The following VPS13B variants were observed in gnomAD, a reference collection of about 807,000 sequenced individuals.
The protein encoded by VPS13B is intermembrane lipid transfer protein VPS13B.
In VPS13B, 285 loss-of-function variants were observed where a neutral mutation model predicts 426.4. The ratio of observed to expected loss-of-function variants is 0.67; its 90% CI spans 0.61 to 0.74. The LOEUF is 0.74. Among genes scored for constraint, VPS13B ranks in the 30% least tolerant of loss-of-function variants. The probability of loss-of-function intolerance (pLI) is 0.00; values close to 1 mark genes in which losing one functional copy is unlikely to be tolerated. For missense variants in VPS13B, 4,537 were observed against 4,782.6 expected, an observed-to-expected ratio of 0.95 and a Z score of 1.51; for synonymous variants, 1,676 against 1,676.4, an observed-to-expected ratio of 1.00 and a Z score of 0.01.
chr8:99,366,696 G>A (rs1040669714), intron 19 of VPS13B, among the ~76,000 whole-genome samples: 2 of 149,998 alleles, frequency 1.3e-5, no homozygotes, highest in African/African-American at 2.4e-5. Flanking sequence ...TTTTTTTTAG[G>A]GAAGTTAATT....
chr8:99,693,728 T>C (rs1482211462), intron 35 of VPS13B, among the ~76,000 whole-genome samples: 5 of 139,888 alleles, frequency 3.6e-5, no homozygotes, highest in Non-Finnish European at 7.7e-5. Flanking sequence ...ATAAAAGGTA[T>C]TCAATTAGGA....
Position 99,520,769 on chromosome 8 carries a change from A to G in VPS13B, c.4634-130A>G. The stretch of plus-strand genomic sequence containing the variant: ...TTTATTTTAAACATGATTTTTTTTC[A>G]TTTTACTTTTTCTTATTTATTGGTC... On this transcript the variant is annotated intron_variant, in intron 29 of 61. Coordinates refer to ENST00000357162, the MANE Select transcript of VPS13B (RefSeq NM_152564.5). 6 of 671,274 alleles carry G rather than the reference A, an allele frequency of 8.9e-6. No individual in the cohort carries two copies. The South Asian group carries it at 1.1e-4, about 12-fold the overall frequency. The allele number at this position is 671,274 out of a possible 1,614,324, so 41.6% of individuals were successfully genotyped here.
chr8:99,109,474 C>G (rs1182662517), intron 5 of VPS13B, among the ~76,000 whole-genome samples: 6 of 151,692 alleles, frequency 4.0e-5, no homozygotes, highest in Admixed American at 3.9e-4. Flanking sequence ...AGCTCCACCC[C>G]TGGGTTCAAG....
chr8:99,156,626 A>T lies in VPS13B; in HGVS notation c.2091A>T (p.Lys697Asn), dbSNP rs376694328. The change falls in exon 15 of 62, where the codon AAA becomes AAT. Residue 697 changes from lysine to asparagine, a missense_variant. Physicochemically the swap from Lys to Asn is moderately conservative, Grantham distance 94. Transcript: ENST00000357162. The part of the protein sequence containing the change: ...PLPSIRILVD[K>N]INLEHSVPMY... ...CATCCATTCGAATATTGGTGGATAA[A>T]ATTAATCTGGAACATTCAGTGCCAA... The T allele has an allele frequency of 3.1e-6, 5 of 1,614,114 alleles. No homozygotes were observed. The highest frequency in any genetic ancestry group is 4.2e-6 in the Non-Finnish European group (5 of 1,179,934).
At chr8:99,758,003 A>C (rs1416361323) in intron 39 of VPS13B, among the ~76,000 whole-genome samples, 2 of 152,182 alleles carry the variant, frequency 1.3e-5, no homozygotes, top group Admixed American at 1.3e-4. Context: ...GGCTTTCTAA[A>C]CTATTTTTTT....
chr8:99,832,305 A>C, intron 51 of VPS13B, 64 bp from the exon 52 acceptor site: 11 of 1,444,030 alleles, frequency 7.6e-6, no homozygotes, highest in Non-Finnish European at 1.0e-5. Flanking sequence ...AAAAAGTTTA[A>C]TTCTGCTGTA....
chr8:99,030,666 T>C (rs1288190674), intron 2 of VPS13B, among the ~76,000 whole-genome samples: 1 of 152,160 alleles, frequency 6.6e-6, no homozygotes, highest in East Asian at 1.9e-4. Flanking sequence ...AAATGCACAA[T>C]ATATTATGCG....
At chr8:99,823,421 A>C (rs1814491813) in intron 50 of VPS13B, among the ~76,000 whole-genome samples, 1 of 152,156 alleles carries the variant, frequency 6.6e-6, no homozygotes. Flanking sequence ...CATAGGCATT[A>C]GTGAGGCAGC....
chr8:99,857,406 C>T (rs1249988372), intron 56 of VPS13B, among the ~76,000 whole-genome samples: 2 of 152,192 alleles, frequency 1.3e-5, no homozygotes, highest in Non-Finnish European at 2.9e-5. Context: ...CAACCTTCTG[C>T]CGTTAGGTAC....
chr8:99,235,388 AATG>A (rs1816582254), intron 17 of VPS13B, among the ~76,000 whole-genome samples: 3 of 152,202 alleles, frequency 2.0e-5, no homozygotes. Context: ...GTCATTCTGC[AATG>A]ATATTTGGCT....
intron 27 of VPS13B, 75 bp from the exon 28 acceptor site, chr8:99,507,062 A>G (rs1227618704): frequency 3.6e-5 from 54 of 1,518,728 alleles, no homozygotes; most frequent in Non-Finnish European, 5.5e-6. Context: ...GACTTATTTG[A>G]AATAGTTATG....
At chr8:99,596,771 A>G (rs1057472396) in intron 33 of VPS13B, among the ~76,000 whole-genome samples, 12 of 152,128 alleles carry the variant, frequency 7.9e-5, no homozygotes, top group African/African-American at 2.6e-4. Flanking sequence ...TTCTGCCTGT[A>G]TAATTGCAGA....
intron 15 of VPS13B, among the ~76,000 whole-genome samples, chr8:99,159,780 C>T (rs896064057): frequency 1.3e-5 from 2 of 152,156 alleles, no homozygotes; most frequent in African/African-American, 4.8e-5. Context: ...CCATCTCAGT[C>T]TCCCAAGTAC....
chr8:99,416,548 T>C (rs955717556), intron 21 of VPS13B, among the ~76,000 whole-genome samples: 3 of 152,132 alleles, frequency 2.0e-5, no homozygotes, highest in Non-Finnish European at 2.9e-5. Flanking sequence ...CCTGTTGGCA[T>C]AGGCCCCTGA....
intron 39 of VPS13B, among the ~76,000 whole-genome samples, chr8:99,765,267 T>C (rs562368605): frequency 4.6e-5 from 7 of 152,298 alleles, no homozygotes; most frequent in Admixed American, 4.6e-4. Flanking sequence ...TGTTTTTTTC[T>C]CATGCTTGTA....
intron 3 of VPS13B, among the ~76,000 whole-genome samples, chr8:99,050,423 C>T (rs1212586215): frequency 6.6e-6 from 1 of 152,120 alleles, no homozygotes; most frequent in Non-Finnish European, 1.5e-5. Flanking sequence ...TTTTCTTAAT[C>T]CAGTCTATCA....
At chr8:99,325,052 CAT>C (rs2133137701) in intron 19 of VPS13B, among the ~76,000 whole-genome samples, 1 of 152,260 alleles carries the variant, frequency 6.6e-6, no homozygotes, top group South Asian at 2.1e-4. Flanking sequence ...TGGCTAATGA[CAT>C]ATTTTAATCT....
chr8:99,269,203 A>T (rs1818453499), intron 17 of VPS13B, among the ~76,000 whole-genome samples: 1 of 152,100 alleles, frequency 6.6e-6, no homozygotes, highest in Non-Finnish European at 1.5e-5. Context: ...GGAAAATAAC[A>T]GTGCATTATT....
chr8:99,027,782 T>G (rs1241305407), intron 2 of VPS13B, among the ~76,000 whole-genome samples: 2 of 152,034 alleles, frequency 1.3e-5, no homozygotes, highest in Non-Finnish European at 2.9e-5. Flanking sequence ...CTTGGGTGTT[T>G]CTCGCAGAGG....
Sources: gnomAD v4.1 joint callset for allele counts (sites outside exome capture counted in the v4.1 genomes callset) on GRCh38, gnomAD v4.1.1 for gene constraint, MANE v1.5 for transcripts, NCBI Gene and HGNC (gene_info 2026-07-23, HGNC 2026-07-21) for gene names.